The following AEBP2 variants were observed in gnomAD, a reference collection of about 807,000 sequenced individuals.
The protein encoded by AEBP2 is AE binding protein 2, also known as zinc finger protein AEBP2.
AEBP2 carries 10 observed loss-of-function variants against 50.8 expected under a neutral mutation model. That is an observed-to-expected ratio of 0.20 (90% CI 0.12 to 0.33). AEBP2 has a LOEUF of 0.33. Among genes scored for constraint, AEBP2 ranks in the 10% least tolerant of loss-of-function variants. AEBP2 has a pLI of 1.00. For missense variants in AEBP2, 570 were observed against 688.0 expected (o/e 0.83, Z 1.92); for synonymous variants, 296 against 261.3 (o/e 1.13, Z -1.28).
intron 4 of AEBP2, among the ~76,000 whole-genome samples, chr12:19,497,941 A>C (rs1279298718): frequency 6.6e-6 from 1 of 152,256 alleles, no homozygotes; most frequent in Non-Finnish European, 1.5e-5. Context: ...TAACAAGGGT[A>C]TTCTATTCTT....
At chr12:19,453,535 T>A (rs1453986346) in intron 1 of AEBP2, among the ~76,000 whole-genome samples, 1 of 151,838 alleles carries the variant, frequency 6.6e-6, no homozygotes, top group Non-Finnish European at 1.5e-5. Context: ...ACGATTCTCC[T>A]GCCTCAGCCT....
intron 1 of AEBP2, among the ~76,000 whole-genome samples, chr12:19,461,974 T>A (rs1161914171): frequency 2.6e-5 from 4 of 152,190 alleles, no homozygotes; most frequent in Non-Finnish European, 4.4e-5. Flanking sequence ...CTCTTCTGCT[T>A]TTTTATTTAG....
chr12:19,409,389 C>T (rs1242699045), intron 1 of AEBP2, among the ~76,000 whole-genome samples: 1 of 151,848 alleles, frequency 6.6e-6, no homozygotes, highest in Non-Finnish European at 1.5e-5. Flanking sequence ...ATCCTACATA[C>T]CCTTGGAAAA....
intron 3 of AEBP2, among the ~76,000 whole-genome samples, chr12:19,489,809 T>C (rs922348835): frequency 3.3e-5 from 5 of 151,932 alleles, no homozygotes; most frequent in African/African-American, 7.3e-5. Context: ...AAGTGAAATA[T>C]GTGTGATTCT....
intron 1 of AEBP2, among the ~76,000 whole-genome samples, chr12:19,410,319 C>T (rs1056972369): frequency 5.3e-5 from 8 of 152,160 alleles, no homozygotes; most frequent in South Asian, 2.1e-4. Flanking sequence ...AACTTTCTGC[C>T]ACTATTCTTT....
At chr12:19,478,893 G>A (rs1948688290) in intron 3 of AEBP2, among the ~76,000 whole-genome samples, 1 of 152,020 alleles carries the variant, frequency 6.6e-6, no homozygotes, top group Non-Finnish European at 1.5e-5. Flanking sequence ...CCTATCATAT[G>A]GTCTATCTTG....
chr12:19,413,506 C>A, intron 1 of AEBP2: 1 of 832,810 alleles, frequency 1.2e-6, no homozygotes, highest in Non-Finnish European at 2.1e-6. Flanking sequence ...AATTCTAGGA[C>A]AGAAGTTAAG....
chr12:19,506,096 A>G (rs1949153140), intron 5 of AEBP2, among the ~76,000 whole-genome samples: 1 of 149,966 alleles, frequency 6.7e-6, no homozygotes, highest in Non-Finnish European at 1.5e-5. Flanking sequence ...TTTTAAAATA[A>G]TATATATAAT....
At chr12:19,443,743 A>G (rs1332361551) in intron 1 of AEBP2, among the ~76,000 whole-genome samples, 1 of 152,144 alleles carries the variant, frequency 6.6e-6, no homozygotes, top group African/African-American at 2.4e-5. Context: ...AATTAAATAT[A>G]AAGACATAGA....
chr12:19,404,524 G>A (rs1294061467), intron 1 of AEBP2, among the ~76,000 whole-genome samples: 1 of 152,056 alleles, frequency 6.6e-6, no homozygotes, highest in Non-Finnish European at 1.5e-5. Flanking sequence ...GTTGCTTCTC[G>A]GAAAAATGTT....
chr12:19,430,768 GCTCT>G (rs912337489), intron 1 of AEBP2, among the ~76,000 whole-genome samples: 1 of 152,062 alleles, frequency 6.6e-6, no homozygotes, highest in African/African-American at 2.4e-5. Flanking sequence ...TCATGATTTG[GCTCT>G]CTGTCTGTGT....
upstream of AEBP2, among the ~76,000 whole-genome samples, chr12:19,434,748 C>T (rs980370464): frequency 4.6e-5 from 7 of 152,198 alleles, no homozygotes; most frequent in Non-Finnish European, 8.8e-5. Context: ...CATCCTGTCA[C>T]TGTGGTTATG....
At chr12:19,446,922 CAAAAAACAAAAAAACA>C (rs367558879) in intron 1 of AEBP2, among the ~76,000 whole-genome samples, 2 of 151,122 alleles carry the variant, frequency 1.3e-5, no homozygotes, top group African/African-American at 2.4e-5. Context: ...AAGACTCTCA[CAAAAAACAAAAAAACA>C]AAAAAACAAA....
At chr12:19,440,909 C>T (rs1464880851) in intron 1 of AEBP2, among the ~76,000 whole-genome samples, 1 of 152,186 alleles carries the variant, frequency 6.6e-6, no homozygotes, top group Non-Finnish European at 1.5e-5. Flanking sequence ...TCATTGCCTC[C>T]CAAATCCCTC....
intron 1 of AEBP2, among the ~76,000 whole-genome samples, chr12:19,442,130 G>A (rs560837700): frequency 6.6e-6 from 1 of 152,148 alleles, no homozygotes; most frequent in African/African-American, 2.4e-5. Flanking sequence ...AGTTGAGGCC[G>A]GGCGCGGTGG....
chr12:19,465,250 T>C (rs985560372), intron 2 of AEBP2, among the ~76,000 whole-genome samples: 1 of 151,836 alleles, frequency 6.6e-6, no homozygotes, highest in Non-Finnish European at 1.5e-5. Context: ...AAAAATTAGC[T>C]GGGTATAGTT....
chr12:19,456,723 GAA>G (rs1464006435), intron 1 of AEBP2: 3 of 1,589,290 alleles, frequency 1.9e-6, no homozygotes, highest in Non-Finnish European at 2.6e-6. Flanking sequence ...ATTGTCCCCA[GAA>G]AGAGTTTCAC....
intron 2 of AEBP2, among the ~76,000 whole-genome samples, chr12:19,464,650 G>C (rs1170090733): frequency 6.7e-6 from 1 of 150,220 alleles, no homozygotes; most frequent in East Asian, 2.0e-4. Flanking sequence ...GTAATGGTGC[G>C]GTCTCAGCTC....
At chr12:19,410,664 G>A (rs1199083804) in intron 1 of AEBP2, among the ~76,000 whole-genome samples, 3 of 152,080 alleles carry the variant, frequency 2.0e-5, no homozygotes, top group Non-Finnish European at 2.9e-5. Flanking sequence ...CAAAATCCTG[G>A]TACATAGTAG....
Sources: allele counts gnomAD v4.1 joint callset (sites outside exome capture counted in the v4.1 genomes callset), GRCh38; gene constraint gnomAD v4.1.1; transcripts MANE v1.5; gene names NCBI Gene and HGNC (gene_info 2026-07-23, HGNC 2026-07-21).